The following OR51B5 variants were observed in gnomAD, a reference collection of about 807,000 sequenced individuals.
The protein encoded by OR51B5 is olfactory receptor family 51 subfamily B member 5.
For synonymous variants in OR51B5, 186 were observed against 144.8 expected, an observed-to-expected ratio of 1.28 and a Z score of -2.04; for missense variants, 456 against 374.6, an observed-to-expected ratio of 1.22 and a Z score of -1.79.
In OR51B5 at chr11:5,342,665, G is replaced by C. The variant is rs758206996; in HGVS notation, c.860C>G (p.Pro287Arg). ...CTTGGTCTTGACACTATATGTTATA[G>C]GATTCATTAGTGGAGGGAACAGAAA... Residue 287 changes from proline (P) to arginine (R), a missense_variant, in exon 1 of 1, where the codon CCT (proline) becomes CGT (arginine). Pro to Arg is a moderately radical substitution (Grantham distance 103). Transcript: ENST00000300773. 1.9e-6 allele frequency: 3 copies of C among 1,613,828 alleles called. No individual in the cohort carries two copies. In the East Asian group the frequency reaches 6.7e-5, roughly 36 times the overall value.
In OR51B5 at chr11:5,489,171, T is replaced by C. The variant is rs375995106; in HGVS notation, n.84+16398A>G. The C allele has an allele frequency of 1.2e-5, 19 of 1,613,412 alleles. No homozygotes were observed. The African/African-American group carries it at 2.5e-4, about 22-fold the overall frequency. On this transcript the variant is annotated intron_variant and non_coding_transcript_variant, in intron 1 of 4. Transcript: ENST00000415970. ...TTGGCTTTGTTGGGCTATTCCGTAGTGTGGCTATTGTCTCCCCCTTCATCT... is the reference window on the plus strand; with the variant it reads ...TTGGCTTTGTTGGGCTATTCCGTAGCGTGGCTATTGTCTCCCCCTTCATCT...
At chr11:5,390,328 G>C in intron 1 of OR51B5, 1 of 1,612,774 alleles carries the variant, frequency 6.2e-7, no homozygotes, top group Admixed American at 1.7e-5. Flanking sequence ...AGACCAAGGA[G>C]ATCCACCGTG....
chr11:5,458,881 G>A (rs1851003943), intron 1 of OR51B5, among the ~76,000 whole-genome samples: 1 of 152,170 alleles, frequency 6.6e-6, no homozygotes. Flanking sequence ...TCTAGGTATA[G>A]AAACATGTCA....
intron 1 of OR51B5, among the ~76,000 whole-genome samples, chr11:5,360,680 A>G (rs1326099461): frequency 1.3e-5 from 2 of 151,998 alleles, no homozygotes; most frequent in Non-Finnish European, 2.9e-5. Context: ...TGCTATAAAG[A>G]CACATGCACA....
chr11:5,441,415 A>G lies in OR51B5; in HGVS notation n.84+64154T>C, dbSNP rs772648354. 18 of 1,613,870 alleles carry G rather than the reference A, an allele frequency of 1.1e-5. No homozygotes were observed. In the South Asian group the frequency reaches 1.8e-4, roughly 16 times the overall value. On this transcript the variant is annotated intron_variant and non_coding_transcript_variant, in intron 1 of 4. Coordinates refer to the OR51B5 transcript ENST00000415970. ...ACAATGGAGATCATGTAGAGGATGC[A>G]GAAAATCAGGGCAACCCAGGTGAGG...
intron 1 of OR51B5, among the ~76,000 whole-genome samples, chr11:5,442,518 A>C (rs1410840150): frequency 1.3e-5 from 2 of 152,146 alleles, no homozygotes; most frequent in African/African-American, 4.8e-5. Flanking sequence ...TATGTGCAAG[A>C]CTATTCCATC....
intron 1 of OR51B5, among the ~76,000 whole-genome samples, chr11:5,379,534 C>T (rs559643207): frequency 1.3e-5 from 2 of 150,982 alleles, no homozygotes; most frequent in Non-Finnish European, 2.9e-5. Context: ...TCCGTTGTTT[C>T]CTCTAATAAT....
chr11:5,357,734 G>C (rs373254745), intron 1 of OR51B5, among the ~76,000 whole-genome samples: 55,992 of 144,010 alleles, frequency 0.39, 11,100 homozygotes, highest in Non-Finnish European at 0.41. Flanking sequence ...TGACCACATA[G>C]TTGGAAGTAA....
intron 1 of OR51B5, among the ~76,000 whole-genome samples, chr11:5,477,325 C>T (rs960830148): frequency 2.6e-5 from 4 of 152,130 alleles, no homozygotes; most frequent in African/African-American, 7.2e-5. Context: ...CACAGAGGTG[C>T]ACTTGGAGAG....
At chr11:5,485,841 C>A (rs1199199862) in intron 1 of OR51B5, among the ~76,000 whole-genome samples, 1 of 152,118 alleles carries the variant, frequency 6.6e-6, no homozygotes, top group African/African-American at 2.4e-5. Flanking sequence ...CCCCCAAATT[C>A]ATATGTCAAG....
chr11:5,396,735 C>G (rs1358160002), intron 1 of OR51B5, among the ~76,000 whole-genome samples: 1 of 151,686 alleles, frequency 6.6e-6, no homozygotes, highest in Non-Finnish European at 1.5e-5. Flanking sequence ...AAAAAGAGCC[C>G]GCATCGCCAA....
chr11:5,377,469 G>A (rs1163509754), intron 1 of OR51B5, among the ~76,000 whole-genome samples: 2 of 152,096 alleles, frequency 1.3e-5, no homozygotes, highest in Non-Finnish European at 2.9e-5. Context: ...AGGGCAATTA[G>A]GCAGAAGACA....
chr11:5,462,654 C>T (rs1307462378), intron 1 of OR51B5, among the ~76,000 whole-genome samples: 1 of 152,238 alleles, frequency 6.6e-6, no homozygotes, highest in African/African-American at 2.4e-5. Flanking sequence ...AGCAAGGGCA[C>T]TTCCTCATCA....
intron 1 of OR51B5, among the ~76,000 whole-genome samples, chr11:5,477,663 C>T (rs1196448734): frequency 1.1e-4 from 17 of 151,982 alleles, no homozygotes; most frequent in Admixed American, 3.3e-4. Context: ...GCGCACCGTG[C>T]GCGAGCCGAA....
chr11:5,469,039 G>A (rs1472722281), intron 1 of OR51B5: 2 of 293,972 alleles, frequency 6.8e-6, no homozygotes, highest in Middle Eastern at 1.2e-3. Context: ...GCGGGTTACA[G>A]ATGGCCACAT....
intron 1 of OR51B5, among the ~76,000 whole-genome samples, chr11:5,369,507 A>G (rs1849419740): frequency 6.6e-6 from 1 of 152,208 alleles, no homozygotes; most frequent in Non-Finnish European, 1.5e-5. Flanking sequence ...TTAAAAAAGT[A>G]TACAACTAGT....
chr11:5,430,937 T>C (rs1366959138), intron 1 of OR51B5: 1 of 456,968 alleles, frequency 2.2e-6, no homozygotes, highest in Admixed American at 2.3e-5. Flanking sequence ...GTATAAAGAA[T>C]CAAGACATAA....
At chr11:5,478,778 G>A (rs1251376983) in intron 1 of OR51B5, among the ~76,000 whole-genome samples, 4 of 151,022 alleles carry the variant, frequency 2.6e-5, no homozygotes, top group Non-Finnish European at 5.9e-5. Flanking sequence ...AAGATGAAAT[G>A]AATGAAATGA....
At chr11:5,435,721 GTCC>G (rs1440421757) in intron 1 of OR51B5, among the ~76,000 whole-genome samples, 1 of 152,078 alleles carries the variant, frequency 6.6e-6, no homozygotes, top group Non-Finnish European at 1.5e-5. Flanking sequence ...CACCACAAAA[GTCC>G]TCCTGTCAGA....
Sources: allele counts gnomAD v4.1 joint callset (sites outside exome capture counted in the v4.1 genomes callset), GRCh38; gene constraint gnomAD v4.1.1; transcripts MANE v1.5; gene names NCBI Gene and HGNC (gene_info 2026-07-23, HGNC 2026-07-21).